DYTN: variants seen among roughly 807,000 people sequenced by gnomAD.
DYTN encodes the protein dystrotelin.
A neutral mutation model predicts 69.6 loss-of-function variants in DYTN; 75 were observed. The ratio of observed to expected loss-of-function variants is 1.08; its 90% CI spans 0.89 to 1.31. DYTN has a LOEUF of 1.31. Ranked by LOEUF, DYTN falls within the 50% of genes most tolerant of loss-of-function variation. The probability of loss-of-function intolerance (pLI) is 0.00; values close to 1 mark genes in which losing one functional copy is unlikely to be tolerated. For synonymous variants in DYTN, 252 were observed against 249.1 expected (o/e 1.01, Z -0.11); for missense variants, 726 against 688.4 (o/e 1.05, Z -0.61).
chr2:206,710,524 A>C lies in DYTN; in HGVS notation c.94T>G (p.Leu32Val). 1 of 1,610,020 alleles carries C rather than the reference A, an allele frequency of 6.2e-7. No individual in the cohort carries two copies. The highest frequency in any genetic ancestry group is 8.5e-7 in the Non-Finnish European group (1 of 1,178,356). Residue 32 changes from leucine to valine, a missense_variant and splice_region_variant, in exon 2 of 12, where the codon TTG (leucine) becomes GTG (valine). Leu to Val is a conservative substitution (Grantham distance 32, BLOSUM62 1). Coordinates refer to ENST00000452335, the MANE Select transcript of DYTN (RefSeq NM_001093730.1). ...ATATTTCAGGAGAGCCTATACTTAC[A>C]CTGGCACAGAGTTTGCACTGATTGT... ...KLQSVQTLCQ[L>V]DLIDSSLIQQ...
In DYTN at chr2:206,693,058, C is replaced by T. The variant is rs957328312; in HGVS notation, c.980+117G>A. Reference sequence around the variant, plus strand: ...AAATATCTGAAGTCCAACCCTCACCCCTCCTCCTGCCTTGTCTAGGATCTT... The same window carrying T: ...AAATATCTGAAGTCCAACCCTCACCTCTCCTCCTGCCTTGTCTAGGATCTT... On this transcript the variant is annotated intron_variant, in intron 9 of 11. Transcript: ENST00000452335. The T allele has an allele frequency of 3.6e-6, 5 of 1,382,378 alleles. No individual in the cohort carries two copies. The South Asian group carries it at 7.9e-5, about 22-fold the overall frequency. 85.6% of individuals were successfully genotyped at this position (1,382,378 alleles called of 1,614,324 possible). A position where few individuals can be genotyped will look rare whatever the true frequency, so the allele number is the denominator to read the frequency against.
At position 206,713,068 on chromosome 2, in the gene DYTN, C is replaced by A. The variant is rs137900419; in HGVS notation, c.20-2470G>T. On this transcript the variant is annotated intron_variant, in intron 1 of 11. Transcript: ENST00000452335. ...CCGCTTCCTGGTGACAATGTCCCAG[C>A]CCAGGAAAGCTAGTCCTTCCTTTGG... Among the ~76,000 whole-genome samples the A allele has an allele frequency of 3.3e-5, 5 of 152,314 alleles. No individual in the cohort carries two copies. In the East Asian group the frequency reaches 5.8e-4, roughly 18 times the overall value.
chr2:206,710,523 C>T lies in DYTN; in HGVS notation c.94+1G>A, dbSNP rs796092488. On this transcript the variant is annotated splice_donor_variant, in intron 2 of 11. Coordinates refer to ENST00000452335, the MANE Select transcript of DYTN (RefSeq NM_001093730.1). LOFTEE classifies it high-confidence loss of function. The stretch of plus-strand genomic sequence containing the variant: ...AATATTTCAGGAGAGCCTATACTTA[C>T]ACTGGCACAGAGTTTGCACTGATTG... 9 of 1,609,914 alleles carry T rather than the reference C, an allele frequency of 5.6e-6. No individual in the cohort carries two copies. The African/African-American group carries it at 1.1e-4, about 19-fold the overall frequency.
At chr2:206,701,413 T>C (rs1559316193) in intron 5 of DYTN, among the ~76,000 whole-genome samples, 1 of 152,082 alleles carries the variant, frequency 6.6e-6, no homozygotes, top group Non-Finnish European at 1.5e-5. Context: ...GACAGATGAA[T>C]AAAAAATGTG....
intron 2 of DYTN, 48 bp downstream of exon 2, chr2:206,710,476 A>C (rs1384536293): frequency 6.5e-7 from 1 of 1,539,750 alleles, no homozygotes; most frequent in South Asian, 1.2e-5. Context: ...TTTACATCGC[A>C]CATCAAGCTC....
chr2:206,663,801 A>C (rs921777420), intron 10 of DYTN, among the ~76,000 whole-genome samples: 1 of 152,250 alleles, frequency 6.6e-6, no homozygotes, highest in African/African-American at 2.4e-5. Context: ...AGTAAGCCAC[A>C]GGGAGAAAAT....
chr2:206,678,205 G>A (rs911466057), intron 9 of DYTN, among the ~76,000 whole-genome samples: 1 of 152,124 alleles, frequency 6.6e-6, no homozygotes, highest in Non-Finnish European at 1.5e-5. Context: ...CATTATGTGG[G>A]GAAAAGCTTC....
chr2:206,705,032 G>C (rs1279124616), intron 4 of DYTN, 89 bp from the exon 5 acceptor site: 2 of 1,056,936 alleles, frequency 1.9e-6, no homozygotes, highest in Non-Finnish European at 2.8e-6. Context: ...TCTCTTTGTG[G>C]CTATGAAAGG....
At chr2:206,688,230 C>A (rs1442011142) in intron 9 of DYTN, among the ~76,000 whole-genome samples, 1 of 152,094 alleles carries the variant, frequency 6.6e-6, no homozygotes, top group Non-Finnish European at 1.5e-5. Context: ...TATAAAGATG[C>A]TTTTTAAATA....
intron 10 of DYTN, among the ~76,000 whole-genome samples, chr2:206,665,437 T>C (rs1699559072): frequency 6.6e-6 from 1 of 151,556 alleles, no homozygotes; most frequent in Non-Finnish European, 1.5e-5. Context: ...ATTATTTATT[T>C]AATTTTATTT....
At chr2:206,705,418 C>A (rs1414671626) in intron 4 of DYTN, among the ~76,000 whole-genome samples, 2 of 152,128 alleles carry the variant, frequency 1.3e-5, no homozygotes, top group South Asian at 4.1e-4. Flanking sequence ...TTGTAATAAC[C>A]GTAATTTGAT....
At chr2:206,663,911 G>A (rs1046155973) in intron 10 of DYTN, among the ~76,000 whole-genome samples, 1 of 152,136 alleles carries the variant, frequency 6.6e-6, no homozygotes, top group Non-Finnish European at 1.5e-5. Context: ...TCAAAATTAT[G>A]TTCATAAGGA....
In DYTN at chr2:206,651,922, C is replaced by T. The variant is rs772087336; in HGVS notation, c.1634-1G>A. The T allele has an allele frequency of 1.2e-6, 2 of 1,610,542 alleles. No homozygotes were observed. The highest frequency in any genetic ancestry group is 1.1e-5 in the South Asian group (1 of 90,686). On this transcript the variant is annotated splice_acceptor_variant, in intron 11 of 11. Coordinates refer to ENST00000452335, the MANE Select transcript of DYTN (RefSeq NM_001093730.1). LOFTEE classifies it high-confidence loss of function. ...TCCATGTTTACTGAAGACTCCGGGC[C>T]TGAAATCAACAAACAAGAGAGTCAT... is the stretch of plus-strand genomic sequence containing the variant.
At position 206,665,619 on chromosome 2, in the gene DYTN, C is replaced by T. The variant is rs115899252; in HGVS notation, c.1140+251G>A. ...TGAGATCAAAAGGTTAAAAAACCGA[C>T]GCTATAAAGAATCACTTTGCCCCAA... is the stretch of plus-strand genomic sequence containing the variant. On this transcript the variant is annotated intron_variant, in intron 10 of 11. Transcript: ENST00000452335. Among the ~76,000 whole-genome samples the T allele has an allele frequency of 9.1e-3, 1,385 of 152,182 alleles. 28 individuals are homozygous for T. Among genetic ancestry groups the T allele is most frequent in the African/African-American group, 0.032 (1,315 of 41,524 alleles).
intron 1 of DYTN, among the ~76,000 whole-genome samples, chr2:206,711,692 G>A (rs1006725801): frequency 5.9e-5 from 9 of 151,586 alleles, no homozygotes; most frequent in Non-Finnish European, 1.2e-4. Flanking sequence ...CCATTAACTC[G>A]TCATTTAACA....
intron 5 of DYTN, 50 bp downstream of exon 5, chr2:206,704,793 T>C: frequency 1.3e-6 from 2 of 1,484,256 alleles, no homozygotes; most frequent in Non-Finnish European, 1.9e-6. Flanking sequence ...ATAATAAATG[T>C]GGCAAATTAA....
chr2:206,690,009 G>A (rs1473853006), intron 9 of DYTN, among the ~76,000 whole-genome samples: 1 of 152,152 alleles, frequency 6.6e-6, no homozygotes, highest in African/African-American at 2.4e-5. Flanking sequence ...ATAGAGAGGG[G>A]CACAGCAATA....
chr2:206,675,115 A>ATATGTGTGTGTGTG (rs1553573104), intron 9 of DYTN, among the ~76,000 whole-genome samples: 121 of 131,540 alleles, frequency 9.2e-4, no homozygotes, highest in African/African-American at 3.1e-3. Context: ...ATATATATAT[A>ATATGTGTGTGTGTG]TGTGTGTGTG....
At chr2:206,694,913 A>G in intron 7 of DYTN, 36 bp from the exon 8 acceptor site, 1 of 1,066,342 alleles carries the variant, frequency 9.4e-7, no homozygotes, top group Non-Finnish European at 1.3e-6. Context: ...TTACGTCACT[A>G]GTAGATGAGA....
Sources: gnomAD v4.1 joint callset for allele counts (sites outside exome capture counted in the v4.1 genomes callset) on GRCh38, gnomAD v4.1.1 for gene constraint, MANE v1.5 for transcripts, NCBI Gene and HGNC (gene_info 2026-07-23, HGNC 2026-07-21) for gene names.